Variants in ST6GALNAC3 observed in about 807,000 individuals in gnomAD.
The protein encoded by ST6GALNAC3 is ST6 N-acetylgalactosaminide alpha-2,6-sialyltransferase 3.
A neutral mutation model predicts 32.7 loss-of-function variants in ST6GALNAC3; 25 were observed. That is an observed-to-expected ratio of 0.76 (90% CI 0.56 to 1.07). The LOEUF is 1.07. Ranked by LOEUF, ST6GALNAC3 falls within the 50% of genes least tolerant of loss-of-function variation. The pLI is 0.00. For synonymous variants in ST6GALNAC3, 129 were observed against 133.1 expected (o/e 0.97, Z 0.21); for missense variants, 355 against 382.4 (o/e 0.93, Z 0.60).
intron 1 of ST6GALNAC3, among the ~76,000 whole-genome samples, chr1:76,180,935 G>A (rs1186582762): frequency 6.6e-6 from 1 of 152,212 alleles, no homozygotes; most frequent in Non-Finnish European, 1.5e-5. Context: ...CTGGCCCTCT[G>A]CCCTTGCAAA....
At chr1:76,623,298 G>T (rs1648758823) in intron 3 of ST6GALNAC3, among the ~76,000 whole-genome samples, 1 of 151,886 alleles carries the variant, frequency 6.6e-6, no homozygotes, top group Non-Finnish European at 1.5e-5. Flanking sequence ...GGAGCAGCAG[G>T]GTGCAGAGCC....
chr1:76,076,398 G>T (rs1646816952), intron 1 of ST6GALNAC3, among the ~76,000 whole-genome samples: 1 of 152,130 alleles, frequency 6.6e-6, no homozygotes, highest in Non-Finnish European at 1.5e-5. Flanking sequence ...GGACATATCT[G>T]TCCACCTTAT....
intron 3 of ST6GALNAC3, among the ~76,000 whole-genome samples, chr1:76,528,292 C>T (rs760669164): frequency 3.3e-5 from 5 of 152,126 alleles, no homozygotes; most frequent in Non-Finnish European, 5.9e-5. Flanking sequence ...GAGGTAGGCT[C>T]TGGGGCTATC....
intron 3 of ST6GALNAC3, among the ~76,000 whole-genome samples, chr1:76,467,839 T>C (rs1395669328): frequency 6.6e-6 from 1 of 151,834 alleles, no homozygotes; most frequent in African/African-American, 2.4e-5. Flanking sequence ...ATTTAAAAAG[T>C]GGCAGCATAT....
At chr1:76,179,784 A>G (rs1027698318) in intron 1 of ST6GALNAC3, among the ~76,000 whole-genome samples, 2 of 151,636 alleles carry the variant, frequency 1.3e-5, no homozygotes, top group Non-Finnish European at 2.9e-5. Context: ...TTCCTCCTTT[A>G]CTCACTTGGC....
At chr1:76,274,624 T>G (rs2100765260) in intron 1 of ST6GALNAC3, among the ~76,000 whole-genome samples, 1 of 152,326 alleles carries the variant, frequency 6.6e-6, no homozygotes, top group Admixed American at 6.5e-5. Flanking sequence ...TTCTAGAGTC[T>G]AAACTTATTA....
At chr1:76,536,812 T>C (rs1442489214) in intron 3 of ST6GALNAC3, among the ~76,000 whole-genome samples, 3 of 152,002 alleles carry the variant, frequency 2.0e-5, no homozygotes, top group African/African-American at 7.2e-5. Flanking sequence ...ATGCACCCAA[T>C]AGAGGAGCAT....
intron 3 of ST6GALNAC3, among the ~76,000 whole-genome samples, chr1:76,437,086 C>T (rs572352219): frequency 3.3e-5 from 5 of 152,144 alleles, no homozygotes; most frequent in East Asian, 2.0e-4. Context: ...CAATAGTAAG[C>T]GTGACTCCCC....
intron 3 of ST6GALNAC3, among the ~76,000 whole-genome samples, chr1:76,472,455 G>A (rs1364001160): frequency 6.6e-6 from 1 of 152,090 alleles, no homozygotes; most frequent in Non-Finnish European, 1.5e-5. Flanking sequence ...TAGGGAAGTG[G>A]TGAAGGCAGA....
At chr1:76,384,170 G>A (rs2101125047) in intron 2 of ST6GALNAC3, among the ~76,000 whole-genome samples, 1 of 152,092 alleles carries the variant, frequency 6.6e-6, no homozygotes, top group South Asian at 2.1e-4. Flanking sequence ...ATCAGGCACA[G>A]AAAGGTTAAA....
chr1:76,572,795 G>A (rs116487367), intron 3 of ST6GALNAC3, among the ~76,000 whole-genome samples: 2,214 of 152,240 alleles, frequency 0.015, 63 homozygotes, highest in African/African-American at 0.051. Context: ...ATTTGTTGCG[G>A]AGACAGCAGG....
chr1:76,384,223 TAAAG>T (rs1651926525), intron 2 of ST6GALNAC3, among the ~76,000 whole-genome samples: 1 of 152,016 alleles, frequency 6.6e-6, no homozygotes, highest in African/African-American at 2.4e-5. Flanking sequence ...ACACCAATGA[TAAAG>T]AAGCTAATAC....
At chr1:76,385,656 A>C (rs537561786) in intron 2 of ST6GALNAC3, among the ~76,000 whole-genome samples, 5 of 152,064 alleles carry the variant, frequency 3.3e-5, no homozygotes, top group African/African-American at 1.2e-4. Context: ...ATCATTCCTT[A>C]TATTTGTTTT....
intron 3 of ST6GALNAC3, among the ~76,000 whole-genome samples, chr1:76,519,291 C>G (rs1570063994): frequency 6.6e-6 from 1 of 152,166 alleles, no homozygotes; most frequent in East Asian, 1.9e-4. Context: ...AAGATAATTT[C>G]AATGTAAAAT....
chr1:76,515,282 A>G (rs138898026), intron 3 of ST6GALNAC3, among the ~76,000 whole-genome samples: 95 of 151,976 alleles, frequency 6.3e-4, no homozygotes, highest in African/African-American at 2.2e-3. Flanking sequence ...TTGTAGTGTC[A>G]CCTTGTTCAT....
chr1:76,568,509 G>T (rs1665683872), intron 3 of ST6GALNAC3, among the ~76,000 whole-genome samples: 1 of 152,160 alleles, frequency 6.6e-6, no homozygotes, highest in Admixed American at 6.6e-5. Context: ...TATAAACCCT[G>T]TGTAGTCGAA....
At chr1:76,611,729 C>T (rs1557625347) in intron 3 of ST6GALNAC3, among the ~76,000 whole-genome samples, 1 of 152,138 alleles carries the variant, frequency 6.6e-6, no homozygotes, top group African/African-American at 2.4e-5. Flanking sequence ...TTTTGGTGGT[C>T]TGTTGCAATA....
At chr1:76,494,429 GTATATA>G (rs60378565) in intron 3 of ST6GALNAC3, among the ~76,000 whole-genome samples, 3,311 of 53,326 alleles carry the variant, frequency 0.062, 146 homozygotes, top group African/African-American at 0.078. Flanking sequence ...GTGTGCATGT[GTATATA>G]TATATATATA....
chr1:76,404,032 A>G (rs1297251585), intron 2 of ST6GALNAC3, among the ~76,000 whole-genome samples: 2 of 152,086 alleles, frequency 1.3e-5, no homozygotes, highest in Non-Finnish European at 2.9e-5. Context: ...TAAACGGAGC[A>G]TATTATATAT....
Sources: gnomAD v4.1 joint callset for allele counts (sites outside exome capture counted in the v4.1 genomes callset) on GRCh38, gnomAD v4.1.1 for gene constraint, MANE v1.5 for transcripts, NCBI Gene and HGNC (gene_info 2026-07-23, HGNC 2026-07-21) for gene names.